Variants in NKAIN3 observed in about 807,000 individuals in gnomAD.
The protein encoded by NKAIN3 is sodium/potassium-transporting ATPase subunit beta-1-interacting protein 3.
Under a neutral mutation model 30.2 loss-of-function variants are expected in NKAIN3, and 25 were observed. The observed-to-expected ratio is 0.83, with a 90% confidence interval of 0.60 to 1.16. The LOEUF (loss-of-function observed/expected upper bound fraction) is 1.16. Among genes scored for constraint, NKAIN3 ranks in the 50% most tolerant of loss-of-function variants. The probability of loss-of-function intolerance (pLI) is 0.00; values close to 1 mark genes in which losing one functional copy is unlikely to be tolerated. For missense variants in NKAIN3, 225 were observed against 254.1 expected, an observed-to-expected ratio of 0.89 and a Z score of 0.78; for synonymous variants, 91 against 89.6, an observed-to-expected ratio of 1.02 and a Z score of -0.09.
chr8:62,398,212 T>A (rs2129595059), intron 1 of NKAIN3, among the ~76,000 whole-genome samples: 1 of 152,048 alleles, frequency 6.6e-6, no homozygotes, highest in African/African-American at 2.4e-5. Context: ...TGGGCAAAGG[T>A]GGAATTAAGA....
At chr8:62,369,197 T>G (rs1440420101) in intron 1 of NKAIN3, among the ~76,000 whole-genome samples, 1 of 151,616 alleles carries the variant, frequency 6.6e-6, no homozygotes, top group Non-Finnish European at 1.5e-5. Flanking sequence ...GTATCCGTCT[T>G]AAGACTATGA....
intron 4 of NKAIN3, among the ~76,000 whole-genome samples, chr8:62,841,396 C>T (rs1472160649): frequency 6.6e-6 from 1 of 152,020 alleles, no homozygotes; most frequent in East Asian, 1.9e-4. Flanking sequence ...CCCTGCTGTG[C>T]AACAGATCTC....
In NKAIN3 at chr8:62,248,975, TG is replaced by T. The variant is rs1362537608; in HGVS notation, c.-96del. The T allele has an allele frequency of 1.7e-6, 2 of 1,167,662 alleles. No individual in the cohort carries two copies. The highest frequency in any genetic ancestry group is 1.6e-5 in the African/African-American group (1 of 62,954). 72.3% of individuals were successfully genotyped at this position (1,167,662 alleles called of 1,614,324 possible). ...GCGGCGGCCGCGGGGCCGAGGAGCC[TG>T]GGCCGGGCCGGGCGGGGACTACTCC... On this transcript the variant is annotated 5_prime_UTR_variant, in exon 1 of 7. Transcript: ENST00000623646.
chr8:62,461,760 T>C (rs1217821308), intron 1 of NKAIN3, among the ~76,000 whole-genome samples: 1 of 152,168 alleles, frequency 6.6e-6, no homozygotes, highest in Non-Finnish European at 1.5e-5. Context: ...ATTGAGGTTA[T>C]TCAGTGAGAG....
At chr8:62,663,733 G>A (rs775073734) in intron 3 of NKAIN3, among the ~76,000 whole-genome samples, 8 of 151,914 alleles carry the variant, frequency 5.3e-5, no homozygotes, top group African/African-American at 1.2e-4. Flanking sequence ...GCTTTTTTCC[G>A]ATAGGCTCAC....
intron 1 of NKAIN3, among the ~76,000 whole-genome samples, chr8:62,420,523 C>G (rs1047048096): frequency 6.6e-6 from 1 of 152,046 alleles, no homozygotes; most frequent in African/African-American, 2.4e-5. Flanking sequence ...GGAGCCATGG[C>G]TGTAAGCATA....
intron 3 of NKAIN3, among the ~76,000 whole-genome samples, chr8:62,680,134 C>A (rs1274467897): frequency 6.6e-6 from 1 of 152,062 alleles, no homozygotes; most frequent in Non-Finnish European, 1.5e-5. Flanking sequence ...AATGCAAAAG[C>A]CTCTAGAAGC....
intron 4 of NKAIN3, among the ~76,000 whole-genome samples, chr8:62,893,049 G>A (rs1232879524): frequency 2.0e-5 from 3 of 152,130 alleles, no homozygotes; most frequent in African/African-American, 4.8e-5. Flanking sequence ...CATAGCTATC[G>A]AGAGTGGACA....
intron 1 of NKAIN3, among the ~76,000 whole-genome samples, chr8:62,382,314 G>T (rs957018183): frequency 6.6e-6 from 1 of 152,038 alleles, no homozygotes; most frequent in East Asian, 1.9e-4. Flanking sequence ...CATAATAAAG[G>T]TCTTCATCCT....
Position 62,983,669 on chromosome 8 carries a change from G to T in NKAIN3, c.*18262G>T, listed in dbSNP as rs968096855. 6.6e-6 allele frequency: 1 copy of T among 152,168 alleles called. No homozygotes were observed. The highest frequency in any genetic ancestry group is 1.5e-5 in the Non-Finnish European group (1 of 68,034). 9.4% of individuals were successfully genotyped at this position (152,168 alleles called of 1,614,324 possible). A position where few individuals can be genotyped will look rare whatever the true frequency, so the allele number is the denominator to read the frequency against. ...CTCCTAGACCGCCCCATTCATCTGA[G>T]TAGTTAGGGCTCTGGATGAAGGAGC... On this transcript the variant is annotated 3_prime_UTR_variant, in exon 7 of 7. Coordinates refer to ENST00000623646, the MANE Select transcript of NKAIN3 (RefSeq NM_001304533.3).
At chr8:62,530,758 C>T (rs192316125) in intron 1 of NKAIN3, among the ~76,000 whole-genome samples, 160 of 152,176 alleles carry the variant, frequency 1.1e-3, no homozygotes, top group African/African-American at 3.8e-3. Flanking sequence ...CCTGCCTCAG[C>T]CTCCCAAGTA....
chr8:62,586,289 A>C (rs1249216635), intron 2 of NKAIN3, among the ~76,000 whole-genome samples: 1 of 152,218 alleles, frequency 6.6e-6, no homozygotes, highest in African/African-American at 2.4e-5. Flanking sequence ...GTCAAACCTA[A>C]ATTCCTCTTC....
At chr8:62,458,011 C>T (rs575579303) in intron 1 of NKAIN3, among the ~76,000 whole-genome samples, 1 of 152,248 alleles carries the variant, frequency 6.6e-6, no homozygotes, top group African/African-American at 2.4e-5. Context: ...GGTAGGCCCT[C>T]GACGGGACTG....
intron 1 of NKAIN3, among the ~76,000 whole-genome samples, chr8:62,404,464 G>A (rs1803995702): frequency 6.6e-6 from 1 of 152,074 alleles, no homozygotes. Flanking sequence ...TCACTGGGGT[G>A]GTTTCCCCCA....
intron 1 of NKAIN3, among the ~76,000 whole-genome samples, chr8:62,509,783 A>G (rs1563432577): frequency 6.6e-6 from 1 of 152,118 alleles, no homozygotes; most frequent in Non-Finnish European, 1.5e-5. Flanking sequence ...CCTCATTTAT[A>G]TTGAGACTTT....
In NKAIN3 at chr8:62,943,261, G is replaced by A. The variant is rs374255854; in HGVS notation, c.533-10641G>A. Reference sequence around the variant, plus strand: ...ATAGGCAATTCTAAAAAGAAGATACGCAAATTGTGAACAAACATATGAAAA... The same window carrying A: ...ATAGGCAATTCTAAAAAGAAGATACACAAATTGTGAACAAACATATGAAAA... On this transcript the variant is annotated intron_variant, in intron 5 of 6. Coordinates refer to ENST00000623646, the MANE Select transcript of NKAIN3 (RefSeq NM_001304533.3). Among the ~76,000 whole-genome samples the A allele has an allele frequency of 1.1e-4, 17 of 152,038 alleles. No homozygotes were observed. In the East Asian group the frequency reaches 1.2e-3, roughly 10 times the overall value.
chr8:62,815,556 C>T (rs887232963), intron 4 of NKAIN3, among the ~76,000 whole-genome samples: 1 of 152,190 alleles, frequency 6.6e-6, no homozygotes, highest in Non-Finnish European at 1.5e-5. Flanking sequence ...GGATGCAAGT[C>T]TGGTTCAATA....
intron 1 of NKAIN3, among the ~76,000 whole-genome samples, chr8:62,350,138 T>C (rs559502715): frequency 1.5e-4 from 23 of 152,018 alleles, no homozygotes; most frequent in African/African-American, 5.5e-4. Context: ...TGCAAAAGAG[T>C]TGGGACTCAA....
At chr8:62,259,096 T>C (rs1477962350) in intron 1 of NKAIN3, among the ~76,000 whole-genome samples, 2 of 152,180 alleles carry the variant, frequency 1.3e-5, no homozygotes, top group Non-Finnish European at 2.9e-5. Flanking sequence ...AGTTGGCTGA[T>C]TAATAACATT....
Sources: allele counts gnomAD v4.1 joint callset (sites outside exome capture counted in the v4.1 genomes callset), GRCh38; gene constraint gnomAD v4.1.1; transcripts MANE v1.5; gene names NCBI Gene and HGNC (gene_info 2026-07-23, HGNC 2026-07-21).